Variants in WWOX observed in about 807,000 individuals in gnomAD.
The protein encoded by WWOX is WW domain containing oxidoreductase, also known as WW domain-containing oxidoreductase.
WWOX carries 69 observed loss-of-function variants against 46.2 expected under a neutral mutation model. The observed-to-expected ratio is 1.49, with a 90% CI of 1.23 to 1.82. The LOEUF (loss-of-function observed/expected upper bound fraction) is 1.82, where lower values mean the gene tolerates loss of function less well. Among genes scored for constraint, WWOX ranks in the 40% most tolerant of loss-of-function variants. The pLI is 0.00. For missense variants in WWOX, 919 were observed against 542.6 expected (o/e 1.69, Z -6.89); for synonymous variants, 359 against 202.6 (o/e 1.77, Z -6.56).
intron 8 of WWOX, among the ~76,000 whole-genome samples, chr16:78,696,519 T>A (rs890191469): frequency 3.9e-5 from 6 of 152,128 alleles, no homozygotes; most frequent in Non-Finnish European, 1.5e-5. Context: ...GGATACTCTC[T>A]CACAATGCTA....
At chr16:78,757,756 C>T (rs1038472982) in intron 8 of WWOX, among the ~76,000 whole-genome samples, 3 of 151,330 alleles carry the variant, frequency 2.0e-5, no homozygotes, top group Admixed American at 6.6e-5. Context: ...TATAAATAAT[C>T]TTTCTGATTG....
chr16:78,835,204 C>T (rs563368090), intron 8 of WWOX, among the ~76,000 whole-genome samples: 2 of 152,186 alleles, frequency 1.3e-5, no homozygotes, highest in South Asian at 2.1e-4. Flanking sequence ...ATTATAGTGG[C>T]CTTCTTACCA....
chr16:78,506,380 A>G (rs891317083), intron 8 of WWOX: 2 of 152,204 alleles, frequency 1.3e-5, no homozygotes, highest in African/African-American at 2.4e-5. Flanking sequence ...ATAACACGTC[A>G]TTTTTACCCA....
chr16:78,672,206 A>G (rs1443000900), intron 8 of WWOX, among the ~76,000 whole-genome samples: 2 of 152,284 alleles, frequency 1.3e-5, no homozygotes, highest in Non-Finnish European at 2.9e-5. Context: ...CCCAAAGGAA[A>G]TTTTCAGGGA....
At chr16:78,766,209 A>G (rs983075481) in intron 8 of WWOX, among the ~76,000 whole-genome samples, 1 of 152,192 alleles carries the variant, frequency 6.6e-6, no homozygotes, top group Non-Finnish European at 1.5e-5. Flanking sequence ...GGGCTACTCA[A>G]AAAAGGATTC....
At chr16:79,190,686 C>T (rs921534954) in intron 8 of WWOX, among the ~76,000 whole-genome samples, 6 of 152,184 alleles carry the variant, frequency 3.9e-5, no homozygotes, top group African/African-American at 1.4e-4. Context: ...AGGGCTCTGC[C>T]AACTACAGTT....
rs2081052646 is a variant in WWOX, at chr16:78,343,696, T to C, written c.517-43164T>C. ...TAGATAGCAGATTTGTGTATGGATA[T>C]GCACCCGGCTAGGGACCTCTTTAAT... On this transcript the variant is annotated intron_variant, in intron 5 of 8. Transcript: ENST00000566780. Among the ~76,000 whole-genome samples the C allele has an allele frequency of 1.6e-5, 2 of 121,458 alleles. 1 individual carries two copies. The highest frequency in any genetic ancestry group is 3.9e-5 in the Non-Finnish European group (2 of 50,690). 79.7% of individuals were successfully genotyped at this position (121,458 alleles called of 152,430 possible).
chr16:78,345,015 C>T (rs2081070712), intron 5 of WWOX, among the ~76,000 whole-genome samples: 1 of 119,808 alleles, frequency 8.3e-6, no homozygotes, highest in South Asian at 2.5e-4. Flanking sequence ...GCCTAGTCCC[C>T]ACTTGATAAG....
At chr16:78,770,363 A>C (rs1414468163) in intron 8 of WWOX, among the ~76,000 whole-genome samples, 1 of 151,916 alleles carries the variant, frequency 6.6e-6, no homozygotes, top group African/African-American at 2.4e-5. Context: ...ACAAAAAAAA[A>C]ATTTAACTCT....
rs560979589 is a variant in WWOX at position 78,117,682 on chromosome 16, T to A, written c.409+2528T>A. On this transcript the variant is annotated intron_variant, in intron 4 of 8. Transcript: ENST00000566780. ...TGAAACATGCCAATTTATAAATTGCTATCACTACTTTAGTTCCGCTCATTT... is the reference window on the plus strand; with the variant it reads ...TGAAACATGCCAATTTATAAATTGCAATCACTACTTTAGTTCCGCTCATTT... Among the ~76,000 whole-genome samples, 7 of 152,318 alleles carry A rather than the reference T, an allele frequency of 4.6e-5. No individual in the cohort carries two copies. In the East Asian group the frequency reaches 1.4e-3, roughly 29 times the overall value.
chr16:78,844,359 A>G (rs1357399831), intron 8 of WWOX, among the ~76,000 whole-genome samples: 1 of 152,172 alleles, frequency 6.6e-6, no homozygotes, highest in African/African-American at 2.4e-5. Flanking sequence ...CTTATCTACC[A>G]TATGCCTGGG....
intron 4 of WWOX, among the ~76,000 whole-genome samples, chr16:78,117,138 T>C (rs2032837649): frequency 6.6e-6 from 1 of 152,214 alleles, no homozygotes; most frequent in African/African-American, 2.4e-5. Context: ...AAACTCTTTG[T>C]GCCTCTTCAC....
intron 8 of WWOX, among the ~76,000 whole-genome samples, chr16:78,795,007 G>C (rs574692190): frequency 6.6e-6 from 1 of 152,304 alleles, no homozygotes; most frequent in East Asian, 1.9e-4. Context: ...AATGGGAGTT[G>C]GAGGCTTAAC....
At chr16:78,680,663 C>T (rs1421495726) in intron 8 of WWOX, among the ~76,000 whole-genome samples, 2 of 152,228 alleles carry the variant, frequency 1.3e-5, no homozygotes, top group African/African-American at 4.8e-5. Flanking sequence ...TCACACATTA[C>T]AAGTGCTAAA....
intron 4 of WWOX, among the ~76,000 whole-genome samples, chr16:78,143,328 A>G (rs11150043): frequency 0.55 from 83,955 of 152,048 alleles, 23,217 homozygotes; most frequent in African/African-American, 0.59. Flanking sequence ...AAATCTACAG[A>G]TCAAGGTCAT....
intron 8 of WWOX, among the ~76,000 whole-genome samples, chr16:78,761,597 A>T (rs1470636773): frequency 6.6e-6 from 1 of 151,806 alleles, no homozygotes; most frequent in African/African-American, 2.4e-5. Flanking sequence ...GCTGGTCTAG[A>T]GGAGATTGGT....
intron 5 of WWOX, among the ~76,000 whole-genome samples, chr16:78,263,040 C>T (rs2079278944): frequency 6.6e-6 from 1 of 152,156 alleles, no homozygotes; most frequent in Non-Finnish European, 1.5e-5. Context: ...GCTTTCCTTA[C>T]ATTGGTCTTC....
chr16:78,127,119 ATCTG>A (rs1485187201), intron 4 of WWOX, among the ~76,000 whole-genome samples: 2 of 152,140 alleles, frequency 1.3e-5, no homozygotes, highest in Non-Finnish European at 2.9e-5. Flanking sequence ...ACCACTTCCT[ATCTG>A]TATGACCCGA....
intron 5 of WWOX, among the ~76,000 whole-genome samples, chr16:78,197,597 T>G (rs55751884): frequency 2.0e-5 from 3 of 152,134 alleles, no homozygotes; most frequent in African/African-American, 7.2e-5. Context: ...CATTTTGTGA[T>G]AGAAGGCTGT....
Sources: allele counts gnomAD v4.1 joint callset (sites outside exome capture counted in the v4.1 genomes callset), GRCh38; gene constraint gnomAD v4.1.1; transcripts MANE v1.5; gene names NCBI Gene and HGNC (gene_info 2026-07-23, HGNC 2026-07-21).